Variants in PRIMPOL observed in about 807,000 individuals in gnomAD.
The protein encoded by PRIMPOL is DNA-directed primase/polymerase protein.
Under a neutral mutation model 63.6 loss-of-function variants are expected in PRIMPOL, and 54 were observed. The ratio of observed to expected loss-of-function variants is 0.85; its 90% CI spans 0.68 to 1.07. The LOEUF is 1.07. Ranked by LOEUF, PRIMPOL falls within the 50% of genes least tolerant of loss-of-function variation. The pLI, the probability that PRIMPOL is intolerant of heterozygous loss-of-function variation, is 0.00. For synonymous variants in PRIMPOL, 197 were observed against 220.2 expected (o/e 0.89, Z 0.93); for missense variants, 610 against 648.3 (o/e 0.94, Z 0.64).
intron 3 of PRIMPOL, among the ~76,000 whole-genome samples, chr4:184,658,082 T>G (rs575911795): frequency 0.024 from 3,538 of 146,700 alleles, 142 homozygotes; most frequent in African/African-American, 0.087. Context: ...CTTTTTTTTT[T>G]TTGGGGCACT....
chr4:184,694,899 T>TTTTG lies in PRIMPOL; in HGVS notation c.*124_*127dup. ...AAGTTTTATTACTTTGCTTTCCAAT[T>TTTTG]TTTGTTTTTTACTTCTGTAAACCAA... On this transcript the variant is annotated 3_prime_UTR_variant, in exon 14 of 14. Transcript: ENST00000314970. 2.1e-6 allele frequency: 2 copies of TTTTG among 933,296 alleles called. No individual in the cohort carries two copies. The highest frequency in any genetic ancestry group is 3.1e-6 in the Non-Finnish European group (2 of 643,364). 57.8% of individuals were successfully genotyped at this position (933,296 alleles called of 1,614,324 possible). A position where few individuals can be genotyped will look rare whatever the true frequency, so the allele number is the denominator to read the frequency against.
At chr4:184,682,417 C>T (rs544598831) in intron 9 of PRIMPOL, 81 bp downstream of exon 9, 34 of 720,708 alleles carry the variant, frequency 4.7e-5, no homozygotes, top group African/African-American at 3.9e-4. Flanking sequence ...GGTGCGATCT[C>T]GGCTCACTGC....
intron 13 of PRIMPOL, 111 bp from the exon 14 acceptor site, chr4:184,694,411 T>G: frequency 1.5e-6 from 2 of 1,365,510 alleles, no homozygotes; most frequent in South Asian, 3.2e-5. Flanking sequence ...ATATTCACTT[T>G]AGTATCTGTC....
intron 11 of PRIMPOL, among the ~76,000 whole-genome samples, chr4:184,688,305 T>C (rs1248716208): frequency 6.6e-6 from 1 of 152,246 alleles, no homozygotes; most frequent in Non-Finnish European, 1.5e-5. Context: ...TTTTCTACTG[T>C]TCCATATTCT....
intron 6 of PRIMPOL, among the ~76,000 whole-genome samples, chr4:184,668,301 C>A (rs1272375994): frequency 1.3e-5 from 2 of 152,236 alleles, no homozygotes; most frequent in Non-Finnish European, 1.5e-5. Flanking sequence ...ACCAGTTACC[C>A]AAGTAGACAC....
intron 6 of PRIMPOL, among the ~76,000 whole-genome samples, chr4:184,671,023 T>C (rs567051324): frequency 6.6e-6 from 1 of 152,346 alleles, no homozygotes; most frequent in Admixed American, 6.5e-5. Flanking sequence ...TTCTTGAGTA[T>C]TGTTACACAT....
At chr4:184,691,964 T>A (rs1758685390) in intron 13 of PRIMPOL, among the ~76,000 whole-genome samples, 1 of 151,554 alleles carries the variant, frequency 6.6e-6, no homozygotes, top group Non-Finnish European at 1.5e-5. Flanking sequence ...TTAAGAAGTT[T>A]CCCATATTTT....
intron 5 of PRIMPOL, among the ~76,000 whole-genome samples, chr4:184,662,673 T>G (rs1343435545): frequency 6.6e-6 from 1 of 152,176 alleles, no homozygotes; most frequent in Non-Finnish European, 1.5e-5. Context: ...TATTTTTCTT[T>G]TAAATGTTAA....
Position 184,691,560 on chromosome 4 carries a change from G to C in PRIMPOL, c.1357G>C (p.Ala453Pro). 6.2e-7 allele frequency: 1 copy of C among 1,608,420 alleles called. No individual in the cohort carries two copies. The highest frequency in any genetic ancestry group is 8.5e-7 in the Non-Finnish European group (1 of 1,176,728). The change falls in exon 12 of 14, where the codon GCA becomes CCA. Residue 453 changes from alanine to proline, a missense_variant. Ala to Pro is a conservative substitution (Grantham distance 27, BLOSUM62 -1). This residue lies in a region of PRIMPOL where 444 missense variants were observed against 456.4 expected (regional missense o/e 0.97). Coordinates refer to ENST00000314970, the MANE Select transcript of PRIMPOL (RefSeq NM_152683.4). ...AAAATGTCATGACCCTGTATGTAAA[G>C]CAGAAAACTTCAAATCTGACTGTAA... ...YQKCHDPVCK[A>P]ENFKSDCFPL...
chr4:184,671,936 T>C (rs4290928), intron 6 of PRIMPOL, among the ~76,000 whole-genome samples: 27,651 of 151,740 alleles, frequency 0.18, 3,739 homozygotes, highest in East Asian at 0.71. Flanking sequence ...GAGACGGGGT[T>C]TCACCGTGTT....
chr4:184,653,194 C>T (rs1428157850), intron 2 of PRIMPOL, among the ~76,000 whole-genome samples: 1 of 151,508 alleles, frequency 6.6e-6, no homozygotes, highest in Non-Finnish European at 1.5e-5. Context: ...CAGGTCCCCC[C>T]AGAAACTGGT....
At chr4:184,685,019 T>C (rs909799858) in intron 9 of PRIMPOL, among the ~76,000 whole-genome samples, 1 of 152,068 alleles carries the variant, frequency 6.6e-6, no homozygotes, top group East Asian at 1.9e-4. Flanking sequence ...TTATCTGTTG[T>C]TGAAGTTCTG....
At chr4:184,664,257 A>C (rs1022506220) in intron 5 of PRIMPOL, among the ~76,000 whole-genome samples, 1 of 152,218 alleles carries the variant, frequency 6.6e-6, no homozygotes, top group African/African-American at 2.4e-5. Context: ...TCATTCATCA[A>C]ATAGTTTTTA....
chr4:184,670,150 T>C (rs952266812), intron 6 of PRIMPOL, among the ~76,000 whole-genome samples: 24 of 152,194 alleles, frequency 1.6e-4, no homozygotes, highest in African/African-American at 5.8e-4. Context: ...TGTGGTTTGC[T>C]GGACCAGTGT....
intron 11 of PRIMPOL, among the ~76,000 whole-genome samples, chr4:184,688,191 CT>C (rs1757502247): frequency 1.3e-5 from 2 of 152,154 alleles, no homozygotes; most frequent in Admixed American, 1.3e-4. Context: ...TCAAAGTGGA[CT>C]TGCTGTGTCG....
rs772006129 is a variant in PRIMPOL at position 184,678,213 on chromosome 4, T to C, written c.845-19T>C. 1 of 1,495,438 alleles carries C rather than the reference T, an allele frequency of 6.7e-7. No individual in the cohort carries two copies. Among genetic ancestry groups the C allele is most frequent in the African/African-American group, 1.4e-5 (1 of 70,452 alleles). 92.6% of individuals were successfully genotyped at this position (1,495,438 alleles called of 1,614,324 possible). A position where few individuals can be genotyped will look rare whatever the true frequency, so the allele number is the denominator to read the frequency against. ...ACAGAAAACATGCTTTCATATTGTT[T>C]TATCAATTTTTGATGTAGGAGTTTA... On this transcript the variant is annotated intron_variant, in intron 7 of 13. Transcript: ENST00000314970.
chr4:184,685,645 G>A lies in PRIMPOL; in HGVS notation c.1256G>A (p.Cys419Tyr). Reference sequence around the variant, plus strand: ...TATGATATTTGTAAATATCGGTGGTGTGAAAACATTGGAAGAGCCCATAAG... The same window carrying A: ...TATGATATTTGTAAATATCGGTGGTATGAAAACATTGGAAGAGCCCATAAG... ...LVYDICKYRW[C>Y]ENIGRAHKSN... is the part of the protein sequence containing the mutation. The change falls in exon 11 of 14, where the codon TGT (cysteine) becomes TAT (tyrosine). Residue 419 changes from cysteine (C) to tyrosine (Y), a missense_variant. Cys to Tyr is a radical substitution (Grantham distance 194). Transcript: ENST00000314970. 1 of 1,609,322 alleles carries A rather than the reference G, an allele frequency of 6.2e-7. No homozygotes were observed. The highest frequency in any genetic ancestry group is 8.5e-7 in the Non-Finnish European group (1 of 1,175,964).
Position 184,678,262 on chromosome 4 carries a change from T to C in PRIMPOL, c.875T>C (p.Leu292Pro). The C allele has an allele frequency of 1.9e-6, 3 of 1,591,444 alleles. No homozygotes were observed. The highest frequency in any genetic ancestry group is 2.6e-6 in the Non-Finnish European group (3 of 1,172,572). ...GVYTRNRNFR[L>P]YKSSKIGKRV... is the part of the protein sequence containing the mutation. ...TATACAAGAAATAGAAACTTTCGGC[T>C]ATATAAATCATCAAAAATTGGAAAG... Residue 292 changes from leucine to proline, a missense_variant, in exon 8 of 14, where the codon CTA becomes CCA. Around this residue, in one of 3 missense-constraint regions of PRIMPOL, gnomAD observed 444 missense variants for 456.4 expected, o/e 0.97. Transcript: ENST00000314970.
chr4:184,678,937 A>C (rs1369939206), intron 8 of PRIMPOL, among the ~76,000 whole-genome samples: 21 of 152,198 alleles, frequency 1.4e-4, no homozygotes, highest in Non-Finnish European at 1.5e-5. Flanking sequence ...TTAGGATTAT[A>C]TTTAGTGTAT....
Sources: gnomAD v4.1 joint callset for allele counts (sites outside exome capture counted in the v4.1 genomes callset) on GRCh38, gnomAD v4.1.1 for gene constraint, gnomAD v4.1.1 regional missense constraint, MANE v1.5 for transcripts, NCBI Gene and HGNC (gene_info 2026-07-23, HGNC 2026-07-21) for gene names.